The following PTPRT variants were observed in gnomAD, a reference collection of about 807,000 sequenced individuals.
PTPRT encodes the protein protein tyrosine phosphatase receptor type T.
PTPRT carries 56 observed loss-of-function variants against 176.8 expected under a neutral mutation model. That is an observed-to-expected ratio of 0.32 (90% CI 0.26 to 0.40). PTPRT has a LOEUF of 0.40. PTPRT is among the 10% of genes least tolerant of loss of function. The pLI, the probability that PTPRT is intolerant of heterozygous loss-of-function variation, is 1.00. For synonymous variants in PTPRT, 783 were observed against 739.0 expected (o/e 1.06, Z -0.96); for missense variants, 1,540 against 1,908.2 (o/e 0.81, Z 3.60).
intron 12 of PTPRT, among the ~76,000 whole-genome samples, chr20:42,294,201 T>C (rs1162075133): frequency 6.6e-6 from 1 of 152,106 alleles, no homozygotes; most frequent in Non-Finnish European, 1.5e-5. Context: ...TGATCTAAAA[T>C]ACGTTCCAGA....
chr20:42,931,263 T>C (rs73907405), intron 1 of PTPRT, among the ~76,000 whole-genome samples: 4,276 of 152,284 alleles, frequency 0.028, 123 homozygotes, highest in African/African-American at 0.075. Context: ...GGGGTCCTAA[T>C]CCAATGGGAT....
At chr20:42,963,680 G>A (rs2146044799) in intron 1 of PTPRT, among the ~76,000 whole-genome samples, 1 of 152,128 alleles carries the variant, frequency 6.6e-6, no homozygotes, top group Admixed American at 6.5e-5. Context: ...ATTAACAACT[G>A]AGAAAATGAG....
At chr20:42,107,692 G>T (rs970038878) in intron 23 of PTPRT, among the ~76,000 whole-genome samples, 2 of 152,212 alleles carry the variant, frequency 1.3e-5, no homozygotes, top group Non-Finnish European at 2.9e-5. Flanking sequence ...GGAAGGCCGG[G>T]CAGCCTGTCA....
At chr20:42,239,124 G>A (rs1442248919) in intron 14 of PTPRT, among the ~76,000 whole-genome samples, 2 of 152,116 alleles carry the variant, frequency 1.3e-5, no homozygotes, top group African/African-American at 4.8e-5. Context: ...ACAGAGATAA[G>A]GTTTACTGCT....
At chr20:42,133,162 C>A (rs958481118) in intron 18 of PTPRT, among the ~76,000 whole-genome samples, 3 of 152,066 alleles carry the variant, frequency 2.0e-5, no homozygotes. Context: ...TGATTTTGCC[C>A]AACTAATCAT....
At chr20:42,179,290 T>A (rs943367188) in intron 16 of PTPRT, among the ~76,000 whole-genome samples, 1 of 152,238 alleles carries the variant, frequency 6.6e-6, no homozygotes, top group Non-Finnish European at 1.5e-5. Flanking sequence ...ATTCACTTAA[T>A]AAAAGTTTTT....
At chr20:43,184,050 T>A (rs921335456) in intron 1 of PTPRT, among the ~76,000 whole-genome samples, 1 of 152,186 alleles carries the variant, frequency 6.6e-6, no homozygotes, top group Non-Finnish European at 1.5e-5. Flanking sequence ...ATGGGGAGTG[T>A]CTGTTTAACT....
chr20:42,152,604 A>T (rs1370886848), intron 17 of PTPRT, among the ~76,000 whole-genome samples: 2 of 152,240 alleles, frequency 1.3e-5, no homozygotes, highest in South Asian at 2.1e-4. Flanking sequence ...CTATAGCTTA[A>T]TGGGAAATCT....
At chr20:42,200,010 G>C (rs1991386728) in intron 15 of PTPRT, among the ~76,000 whole-genome samples, 1 of 151,800 alleles carries the variant, frequency 6.6e-6, no homozygotes, top group South Asian at 2.1e-4. Flanking sequence ...GTAGAGCAGT[G>C]CTTCTCAAAC....
intron 9 of PTPRT, among the ~76,000 whole-genome samples, chr20:42,412,012 G>A (rs1246648870): frequency 6.6e-6 from 1 of 152,126 alleles, no homozygotes; most frequent in Non-Finnish European, 1.5e-5. Context: ...GTTAGGCCAA[G>A]AACTTTGAGA....
In PTPRT at chr20:42,203,942, G is replaced by A. The variant is rs376655274; in HGVS notation, c.2343-4554C>T. Among the ~76,000 whole-genome samples the A allele has an allele frequency of 3.3e-5, 5 of 152,244 alleles. No individual in the cohort carries two copies. The East Asian group carries it at 5.8e-4, about 18-fold the overall frequency. ...CTACGACAAGAACTTCTTGGGAAAG[G>A]GCTTTTGACTCTTTGCACCTACTCC... On this transcript the variant is annotated intron_variant, in intron 15 of 30. Transcript: ENST00000373187.
chr20:42,771,701 TATTATA>T, intron 4 of PTPRT, 151 bp from the exon 5 acceptor site: 1 of 650,922 alleles, frequency 1.5e-6, no homozygotes, highest in Non-Finnish European at 2.7e-6. Flanking sequence ...ATTGATCACT[TATTATA>T]AGTCTGGCAC....
intron 1 of PTPRT, among the ~76,000 whole-genome samples, chr20:42,935,905 C>T (rs1201108295): frequency 6.6e-6 from 1 of 152,134 alleles, no homozygotes; most frequent in Non-Finnish European, 1.5e-5. Flanking sequence ...TGTGCCACCA[C>T]ATCTAGCTAA....
rs115042514 is a variant in PTPRT at position 42,395,260 on chromosome 20, G to C, written c.1561-42975C>G. ...TTCCTGTTTCATAGAGAAAATGGAA[G>C]TTCCATGGTGAGAACACGGCACATG... On this transcript the variant is annotated intron_variant, in intron 9 of 30. Coordinates refer to ENST00000373187, the MANE Select transcript of PTPRT (RefSeq NM_007050.6). Among the ~76,000 whole-genome samples, 1,128 of 152,226 alleles carry C rather than the reference G, an allele frequency of 7.4e-3. 17 individuals carry two copies. Among genetic ancestry groups the C allele is most frequent in the African/African-American group, 0.025 (1,043 of 41,526 alleles).
At position 42,236,398 on chromosome 20, in the gene PTPRT, G is replaced by A. The variant is rs968390326; in HGVS notation, c.2313-140C>T. ...TTATTTCAGCATCCCTAAGCTCAAGGAGATGCAAGTTCCTCTACTAATCAT... is the reference window on the plus strand; with the variant it reads ...TTATTTCAGCATCCCTAAGCTCAAGAAGATGCAAGTTCCTCTACTAATCAT... On this transcript the variant is annotated intron_variant, in intron 14 of 30. Coordinates refer to ENST00000373187, the MANE Select transcript of PTPRT (RefSeq NM_007050.6). 8 of 691,604 alleles carry A rather than the reference G, an allele frequency of 1.2e-5. No individual in the cohort carries two copies. The African/African-American group carries it at 1.5e-4, about 13-fold the overall frequency. The allele number at this position is 691,604 out of a possible 1,614,324, so 42.8% of individuals were successfully genotyped here.
chr20:42,317,645 G>C (rs2057739517), intron 11 of PTPRT, among the ~76,000 whole-genome samples: 1 of 152,138 alleles, frequency 6.6e-6, no homozygotes, highest in African/African-American at 2.4e-5. Flanking sequence ...ACTTGATTAA[G>C]GAGTACAACT....
chr20:42,639,334 A>T (rs2074683613), intron 7 of PTPRT, among the ~76,000 whole-genome samples: 1 of 152,104 alleles, frequency 6.6e-6, no homozygotes, highest in Non-Finnish European at 1.5e-5. Flanking sequence ...TTAGCTGACG[A>T]ATGCACTTCC....
At chr20:42,118,570 C>G in intron 20 of PTPRT, 70 bp from the exon 21 acceptor site, 2 of 1,413,000 alleles carry the variant, frequency 1.4e-6, no homozygotes, top group Non-Finnish European at 1.9e-6. Flanking sequence ...GTTTGTCCCC[C>G]CGGTTGGTCA....
At chr20:42,377,306 T>A (rs1391367409) in intron 9 of PTPRT, among the ~76,000 whole-genome samples, 1 of 152,040 alleles carries the variant, frequency 6.6e-6, no homozygotes, top group Non-Finnish European at 1.5e-5. Flanking sequence ...AATCCTCAAG[T>A]CTAATGCTCC....
Sources: gnomAD v4.1 joint callset for allele counts (sites outside exome capture counted in the v4.1 genomes callset) on GRCh38, gnomAD v4.1.1 for gene constraint, MANE v1.5 for transcripts, NCBI Gene and HGNC (gene_info 2026-07-23, HGNC 2026-07-21) for gene names.